SNX13: variants seen among roughly 807,000 people sequenced by gnomAD.
The protein encoded by SNX13 is sorting nexin-13.
In SNX13, 45 loss-of-function variants were observed where a neutral mutation model predicts 133.6. That is an observed-to-expected ratio of 0.34 (90% CI 0.27 to 0.43). The LOEUF (loss-of-function observed/expected upper bound fraction) is 0.43. Ranked by LOEUF, SNX13 falls within the 20% of genes least tolerant of loss-of-function variation. The pLI is 1.00. For synonymous variants in SNX13, 414 were observed against 373.9 expected (o/e 1.11, Z -1.24); for missense variants, 1,032 against 1,145.1 (o/e 0.90, Z 1.43).
At chr7:17,839,501 A>ACT (rs754536318) in intron 13 of SNX13, among the ~76,000 whole-genome samples, 6 of 151,416 alleles carry the variant, frequency 4.0e-5, no homozygotes, top group Admixed American at 1.3e-4. Flanking sequence ...ATATATACGT[A>ACT]CTCTCTTTTG....
intron 20 of SNX13, among the ~76,000 whole-genome samples, chr7:17,808,190 C>A (rs1321562233): frequency 6.6e-6 from 1 of 151,914 alleles, no homozygotes; most frequent in Admixed American, 6.6e-5. Context: ...TAACCCAATG[C>A]GAGGAAACTA....
At position 17,856,799 on chromosome 7, in the gene SNX13, AAAAAG is replaced by A. The variant is rs1482529713; in HGVS notation, c.838-5840_838-5836del. Among the ~76,000 whole-genome samples the A allele has an allele frequency of 2.0e-3, 307 of 150,298 alleles. 5 individuals carry two copies. The East Asian group carries it at 0.043, about 21-fold the overall frequency. On this transcript the variant is annotated intron_variant, in intron 9 of 25. Coordinates refer to ENST00000428135, the MANE Select transcript of SNX13 (RefSeq NM_015132.5). ...TGAGACTCTCTTAAAAAAAAAAAAAAAAAAGAAAGAAAGAAAGAAAAGAAAAAGAA... is the reference window on the plus strand; with the variant it reads ...TGAGACTCTCTTAAAAAAAAAAAAAAAAAGAAAGAAAGAAAAGAAAAAGAA...
chr7:17,880,077 T>C (rs1346079123), intron 5 of SNX13: 1 of 152,208 alleles, frequency 6.6e-6, no homozygotes, highest in Non-Finnish European at 1.5e-5. Context: ...AATCTTCCTG[T>C]GTAGGAATAA....
At chr7:17,813,255 G>A (rs1211783411) in intron 20 of SNX13, among the ~76,000 whole-genome samples, 1 of 151,970 alleles carries the variant, frequency 6.6e-6, no homozygotes, top group Non-Finnish European at 1.5e-5. Context: ...ATCTTAAAAT[G>A]GATATAATCT....
At chr7:17,812,633 T>G (rs777299765) in intron 20 of SNX13, among the ~76,000 whole-genome samples, 51 of 152,168 alleles carry the variant, frequency 3.4e-4, no homozygotes, top group Non-Finnish European at 6.3e-4. Context: ...GACCCAGTAA[T>G]CTCATTACTG....
chr7:17,882,717 A>G (rs1795504061), intron 5 of SNX13: 20 of 892,924 alleles, frequency 2.2e-5, no homozygotes, highest in Non-Finnish European at 2.8e-5. Context: ...AAAAGAAATC[A>G]AGATTAGTAA....
At chr7:17,817,385 G>A (rs1344371841) in intron 18 of SNX13, among the ~76,000 whole-genome samples, 3 of 152,150 alleles carry the variant, frequency 2.0e-5, no homozygotes, top group South Asian at 2.1e-4. Context: ...ATCCTAAAGC[G>A]AAACAAACTT....
chr7:17,854,611 A>T (rs1313076341), intron 9 of SNX13, among the ~76,000 whole-genome samples: 1 of 152,180 alleles, frequency 6.6e-6, no homozygotes, highest in Admixed American at 6.5e-5. Context: ...CATTATTACT[A>T]TATCTACTAT....
intron 2 of SNX13, among the ~76,000 whole-genome samples, chr7:17,895,378 C>G (rs1797092060): frequency 6.6e-6 from 1 of 152,080 alleles, no homozygotes; most frequent in Non-Finnish European, 1.5e-5. Flanking sequence ...GAAAAATCCC[C>G]AAGTGTTTTT....
At chr7:17,804,109 C>G (rs1784925505) in intron 20 of SNX13, among the ~76,000 whole-genome samples, 1 of 152,036 alleles carries the variant, frequency 6.6e-6, no homozygotes, top group Non-Finnish European at 1.5e-5. Flanking sequence ...ATTTGAAAAT[C>G]TGCCAGATGA....
intron 25 of SNX13, 31 bp from the exon 26 acceptor site, chr7:17,794,323 T>G (rs1298532918): frequency 6.3e-7 from 1 of 1,587,154 alleles, no homozygotes; most frequent in East Asian, 2.2e-5. Context: ...CACACATAAT[T>G]ATTCAAAGGA....
chr7:17,937,293 TATAAA>T (rs1802205526), intron 1 of SNX13, among the ~76,000 whole-genome samples: 1 of 152,118 alleles, frequency 6.6e-6, no homozygotes, highest in African/African-American at 2.4e-5. Flanking sequence ...TTTAGCTTAA[TATAAA>T]ATGGTCCTTA....
At chr7:17,801,037 T>C (rs1160429219) in intron 22 of SNX13, among the ~76,000 whole-genome samples, 2 of 22,046 alleles carry the variant, frequency 9.1e-5, no homozygotes, top group African/African-American at 2.7e-4. Flanking sequence ...TATATATATA[T>C]ATATATATAT....
chr7:17,893,428 T>C lies in SNX13; in HGVS notation c.132A>G (p.Leu44=). ...FYILCFVGGG[L]VVTLLFGKTN... is the part of the protein sequence containing the mutation. ...TTTTTCCAAACAGGAGAGTAACCAC[T>C]AAACCCCTAGAAAGAAAAATTTAAT... The change falls in exon 3 of 26, where the codon TTA becomes TTG. Residue 44 remains leucine (L), a synonymous_variant. Transcript: ENST00000428135. 5.2e-6 allele frequency: 8 copies of C among 1,546,378 alleles called. No homozygotes were observed. In the South Asian group the frequency reaches 7.3e-5, roughly 14 times the overall value.
At chr7:17,888,825 C>T (rs926584107) in intron 5 of SNX13, 7 of 436,290 alleles carry the variant, frequency 1.6e-5, no homozygotes, top group African/African-American at 1.0e-4. Context: ...TATTATTACA[C>T]TTATTTTACA....
intron 16 of SNX13, 34 bp from the exon 17 acceptor site, chr7:17,826,125 A>ACC (rs1176228525): frequency 7.2e-7 from 1 of 1,389,802 alleles, no homozygotes. Flanking sequence ...AAATTTTTAA[A>ACC]ATTTTATAGG....
At position 17,868,457 on chromosome 7, in the gene SNX13, T is replaced by C; in HGVS notation, c.787A>G (p.Ile263Val). Residue 263 changes from isoleucine (I) to valine (V), a missense_variant, in exon 9 of 26, where the codon ATA becomes GTA. Physicochemically the swap from Ile to Val is conservative, Grantham distance 29. Coordinates refer to ENST00000428135, the MANE Select transcript of SNX13 (RefSeq NM_015132.5). ...ILARGILLPL[I>V]NQLSDPDYIN... The stretch of plus-strand genomic sequence containing the variant: ...TAATCAGGATCACTGAGTTGATTTA[T>C]TAATGGAAGAAGAATTCCTCGTGCA... The C allele has an allele frequency of 1.2e-6, 2 of 1,610,156 alleles. No individual in the cohort carries two copies. Among genetic ancestry groups the C allele is most frequent in the African/African-American group, 1.3e-5 (1 of 74,842 alleles).
At chr7:17,893,585 A>G (rs1796871143) in intron 2 of SNX13, among the ~76,000 whole-genome samples, 151 bp from the exon 3 acceptor site, 1 of 152,236 alleles carries the variant, frequency 6.6e-6, no homozygotes, top group Non-Finnish European at 1.5e-5. Flanking sequence ...AAATTGACAG[A>G]TTGTATTAGG....
chr7:17,908,277 A>G (rs1372630303), intron 1 of SNX13, among the ~76,000 whole-genome samples: 1 of 152,140 alleles, frequency 6.6e-6, no homozygotes, highest in Non-Finnish European at 1.5e-5. Context: ...AAAGCTTGAC[A>G]CAAAACCTTC....
Sources: gnomAD v4.1 joint callset for allele counts (sites outside exome capture counted in the v4.1 genomes callset) on GRCh38, gnomAD v4.1.1 for gene constraint, MANE v1.5 for transcripts, NCBI Gene and HGNC (gene_info 2026-07-23, HGNC 2026-07-21) for gene names.